Variants in PTPRD observed in about 807,000 individuals in gnomAD.
The protein encoded by PTPRD is receptor-type tyrosine-protein phosphatase delta.
PTPRD carries 34 observed loss-of-function variants against 214.5 expected under a neutral mutation model. The observed-to-expected ratio is 0.16, with a 90% confidence interval of 0.12 to 0.21. The LOEUF is 0.21. Ranked by LOEUF, PTPRD falls within the 10% of genes least tolerant of loss-of-function variation. PTPRD has a pLI of 1.00. For missense variants in PTPRD, 2,545 were observed against 2,398.7 expected (o/e 1.06, Z -1.27); for synonymous variants, 1,128 against 845.7 (o/e 1.33, Z -5.79).
chr9:9,775,662 G>A (rs1199481529), intron 5 of PTPRD, among the ~76,000 whole-genome samples: 39 of 152,072 alleles, frequency 2.6e-4, no homozygotes, highest in Admixed American at 2.6e-3. Flanking sequence ...GCGAATTCTT[G>A]GCTGGTTGCG....
intron 35 of PTPRD, among the ~76,000 whole-genome samples, chr9:8,418,709 C>T (rs907760556): frequency 2.6e-5 from 4 of 151,952 alleles, no homozygotes; most frequent in Non-Finnish European, 5.9e-5. Context: ...CAGACTGATG[C>T]ATTCTTCGAG....
At chr9:8,420,333 A>G (rs910474343) in intron 35 of PTPRD, among the ~76,000 whole-genome samples, 1 of 152,190 alleles carries the variant, frequency 6.6e-6, no homozygotes, top group Non-Finnish European at 1.5e-5. Flanking sequence ...AGACTTTTAA[A>G]GAAGGAGCAT....
intron 7 of PTPRD, among the ~76,000 whole-genome samples, chr9:9,612,062 T>C (rs1184077028): frequency 3.3e-5 from 5 of 152,138 alleles, no homozygotes; most frequent in African/African-American, 7.2e-5. Flanking sequence ...ACATAATTTA[T>C]CTGCTATTTT....
chr9:8,788,305 C>T (rs952726909), intron 11 of PTPRD, among the ~76,000 whole-genome samples: 7 of 102,496 alleles, frequency 6.8e-5, no homozygotes, highest in Non-Finnish European at 1.2e-4. Context: ...GATGGAGTTT[C>T]GCTTTTGTCG....
At chr9:9,567,516 T>G (rs1169376318) in intron 8 of PTPRD, among the ~76,000 whole-genome samples, 1 of 152,004 alleles carries the variant, frequency 6.6e-6, no homozygotes, top group African/African-American at 2.4e-5. Flanking sequence ...ACCTGTTTAA[T>G]TTGATGTGAT....
At chr9:9,266,829 G>A (rs1594832851) in intron 9 of PTPRD, among the ~76,000 whole-genome samples, 1 of 150,936 alleles carries the variant, frequency 6.6e-6, no homozygotes, top group East Asian at 2.0e-4. Flanking sequence ...AAAAGCTTAT[G>A]GAAGTAAATG....
intron 3 of PTPRD, among the ~76,000 whole-genome samples, chr9:10,057,856 A>AC (rs1003709381): frequency 7.1e-6 from 1 of 141,370 alleles, no homozygotes; most frequent in Admixed American, 7.6e-5. Flanking sequence ...AAAAACAAAA[A>AC]AAAAACAAAA....
intron 8 of PTPRD, among the ~76,000 whole-genome samples, chr9:9,502,489 T>A (rs2096451983): frequency 6.6e-6 from 1 of 151,940 alleles, no homozygotes; most frequent in Non-Finnish European, 1.5e-5. Context: ...TATATGTATT[T>A]CTGTTTTGAG....
chr9:9,555,459 A>G (rs1767136339), intron 8 of PTPRD, among the ~76,000 whole-genome samples: 4 of 152,096 alleles, frequency 2.6e-5, no homozygotes, highest in Admixed American at 2.6e-4. Flanking sequence ...GTCTTTATTT[A>G]TCGTATTATA....
chr9:9,065,325 G>T (rs2099725395), intron 10 of PTPRD, among the ~76,000 whole-genome samples: 1 of 151,210 alleles, frequency 6.6e-6, no homozygotes, highest in Non-Finnish European at 1.5e-5. Flanking sequence ...AATTGATAAG[G>T]TTCCATTGGG....
chr9:10,363,991 G>GTTTTTGTTTT lies in PTPRD; in HGVS notation c.-599-22975_-599-22974insAAAACAAAAA, dbSNP rs1555222212. Among the ~76,000 whole-genome samples the GTTTTTGTTTT allele has an allele frequency of 2.3e-4, 8 of 35,126 alleles. 1 individual carries two copies. The highest frequency in any genetic ancestry group is 2.8e-4 in the Non-Finnish European group (5 of 18,094). The allele number at this position is 35,126 out of a possible 152,430, so 23.0% of individuals were successfully genotyped here. A position where few individuals can be genotyped will look rare whatever the true frequency, so the allele number is the denominator to read the frequency against. ...ATTATTATTGCCTCCACATTTTCGG[G>GTTTTTGTTTT]TTTTTTTTTTTTTTTTTTTTTTTTT... On this transcript the variant is annotated intron_variant, in intron 2 of 45. Transcript: ENST00000381196.
intron 12 of PTPRD, among the ~76,000 whole-genome samples, chr9:8,638,192 G>A (rs571973648): frequency 1.3e-4 from 20 of 149,188 alleles, no homozygotes; most frequent in Admixed American, 4.0e-4. Flanking sequence ...TTGAAAAGTG[G>A]TTTTAAATAA....
At chr9:9,635,455 C>T (rs1048961948) in intron 7 of PTPRD, among the ~76,000 whole-genome samples, 1 of 152,132 alleles carries the variant, frequency 6.6e-6, no homozygotes, top group African/African-American at 2.4e-5. Flanking sequence ...GCTGGACACT[C>T]AATGATTTCA....
chr9:10,065,317 G>A (rs1281425778), intron 3 of PTPRD, among the ~76,000 whole-genome samples: 1 of 151,882 alleles, frequency 6.6e-6, no homozygotes, highest in Non-Finnish European at 1.5e-5. Context: ...TGGATCCATG[G>A]TTGCTTTCTG....
intron 3 of PTPRD, among the ~76,000 whole-genome samples, chr9:10,045,465 T>C (rs1342155615): frequency 6.6e-6 from 1 of 151,608 alleles, no homozygotes; most frequent in Admixed American, 6.6e-5. Flanking sequence ...GGATTGTTTA[T>C]ATTGCAACTT....
At chr9:9,316,611 G>C (rs1963297281) in intron 9 of PTPRD, among the ~76,000 whole-genome samples, 1 of 152,054 alleles carries the variant, frequency 6.6e-6, no homozygotes, top group African/African-American at 2.4e-5. Context: ...GGAAGAGTAG[G>C]TTAAGAGCAA....
intron 3 of PTPRD, among the ~76,000 whole-genome samples, chr9:10,164,262 G>T (rs1416339742): frequency 6.6e-6 from 1 of 151,392 alleles, no homozygotes; most frequent in Non-Finnish European, 1.5e-5. Flanking sequence ...AAGTTAAATG[G>T]CTTCTAGAGG....
At chr9:9,088,872 T>C (rs1301401495) in intron 10 of PTPRD, among the ~76,000 whole-genome samples, 1 of 152,198 alleles carries the variant, frequency 6.6e-6, no homozygotes, top group African/African-American at 2.4e-5. Context: ...CTGTAGTCTC[T>C]GTTTCCTCAA....
chr9:9,136,538 G>A (rs1325408026), intron 10 of PTPRD, among the ~76,000 whole-genome samples: 1 of 152,052 alleles, frequency 6.6e-6, no homozygotes, highest in Non-Finnish European at 1.5e-5. Context: ...AGGTTAAAAA[G>A]AGAAAGACTA....
Sources: gnomAD v4.1 joint callset for allele counts (sites outside exome capture counted in the v4.1 genomes callset) on GRCh38, gnomAD v4.1.1 for gene constraint, MANE v1.5 for transcripts, NCBI Gene and HGNC (gene_info 2026-07-23, HGNC 2026-07-21) for gene names.